CTNNA2: variants seen among roughly 807,000 people sequenced by gnomAD.
CTNNA2 encodes catenin alpha-2.
In CTNNA2, 42 loss-of-function variants were observed where a neutral mutation model predicts 101.0. The ratio of observed to expected loss-of-function variants is 0.42; its 90% confidence interval spans 0.32 to 0.54. The LOEUF is 0.54. Ranked by LOEUF, CTNNA2 falls within the 20% of genes least tolerant of loss-of-function variation. The pLI is 0.14. For missense variants in CTNNA2, 871 were observed against 1,223.1 expected, an observed-to-expected ratio of 0.71 and a Z score of 4.29; for synonymous variants, 450 against 456.4, an observed-to-expected ratio of 0.99 and a Z score of 0.18.
chr2:79,246,085 GA>G (rs1427475042), intron 2 of CTNNA2, among the ~76,000 whole-genome samples: 6 of 152,190 alleles, frequency 3.9e-5, no homozygotes, highest in African/African-American at 4.8e-5. Flanking sequence ...AATTTCTCTG[GA>G]AGTGGAGTCT....
At chr2:79,957,034 CA>C (rs1689287379) in intron 7 of CTNNA2, among the ~76,000 whole-genome samples, 2 of 152,004 alleles carry the variant, frequency 1.3e-5, no homozygotes, top group Admixed American at 6.5e-5. Flanking sequence ...TCCTTTTCAA[CA>C]TCCCCAGATC....
intron 9 of CTNNA2, among the ~76,000 whole-genome samples, chr2:80,533,341 A>G (rs533694957): frequency 2.6e-5 from 4 of 152,302 alleles, no homozygotes; most frequent in Admixed American, 2.6e-4. Context: ...CGCAAAAAAA[A>G]GAAGGCAATG....
chr2:79,367,228 A>G (rs1677770473), intron 3 of CTNNA2, among the ~76,000 whole-genome samples: 1 of 152,366 alleles, frequency 6.6e-6, no homozygotes. Flanking sequence ...GGCCCTTACC[A>G]GGAACTGAAT....
intron 4 of CTNNA2, among the ~76,000 whole-genome samples, chr2:79,466,014 A>G (rs183525077): frequency 6.6e-6 from 1 of 152,158 alleles, no homozygotes; most frequent in Admixed American, 6.5e-5. Flanking sequence ...GGTTCATCTC[A>G]CTGGGGCTTG....
chr2:80,347,825 T>C (rs1238412183), intron 7 of CTNNA2, among the ~76,000 whole-genome samples: 1 of 148,072 alleles, frequency 6.8e-6, no homozygotes, highest in Admixed American at 6.8e-5. Flanking sequence ...CATTATCTTT[T>C]CCTTTTTCTT....
In CTNNA2 at chr2:79,873,899, G is replaced by A. The variant is rs72918617; in HGVS notation, c.586-177G>A. Among the ~76,000 whole-genome samples, 8,051 of 152,174 alleles carry A rather than the reference G, an allele frequency of 0.053. 569 individuals are homozygous for A. Among genetic ancestry groups the A allele is most frequent in the East Asian group, 0.27 (1,383 of 5,164 alleles). ...CCTAGGTCACTATAGAGACCTAGCT[G>A]TCTCTATAAAACAGACAAACAAACA... is the stretch of plus-strand genomic sequence containing the variant. On this transcript the variant is annotated intron_variant, in intron 5 of 18. Coordinates refer to ENST00000402739, the MANE Select transcript of CTNNA2 (RefSeq NM_001282597.3).
At chr2:79,504,383 G>T (rs898023715) in intron 4 of CTNNA2, among the ~76,000 whole-genome samples, 1 of 152,020 alleles carries the variant, frequency 6.6e-6, no homozygotes, top group African/African-American at 2.4e-5. Context: ...TCCGCCTCCC[G>T]GTTTCAAGCA....
chr2:79,996,141 T>G (rs910477770), intron 7 of CTNNA2, among the ~76,000 whole-genome samples: 3 of 152,226 alleles, frequency 2.0e-5, no homozygotes, highest in African/African-American at 7.2e-5. Flanking sequence ...ATTACTGTTA[T>G]GTCTTAATAA....
At chr2:80,543,719 C>T (rs998702651) in intron 9 of CTNNA2, among the ~76,000 whole-genome samples, 3 of 152,140 alleles carry the variant, frequency 2.0e-5, no homozygotes, top group Non-Finnish European at 4.4e-5. Context: ...GTCATACTGC[C>T]TAAGGTTTCT....
intron 2 of CTNNA2, among the ~76,000 whole-genome samples, chr2:79,281,996 T>G (rs1036638682): frequency 2.0e-5 from 3 of 152,176 alleles, no homozygotes; most frequent in Non-Finnish European, 4.4e-5. Flanking sequence ...TAGTCCCCTG[T>G]CAATAAAAGT....
chr2:79,988,897 A>G (rs1050739579), intron 7 of CTNNA2, among the ~76,000 whole-genome samples: 7 of 152,218 alleles, frequency 4.6e-5, no homozygotes, highest in African/African-American at 7.2e-5. Flanking sequence ...GAAAAAGTCT[A>G]CTGTAATTTG....
At chr2:80,544,833 T>C (rs1458682045) in intron 9 of CTNNA2, 149 bp from the exon 10 acceptor site, 3 of 613,576 alleles carry the variant, frequency 4.9e-6, no homozygotes, top group Admixed American at 3.2e-5. Flanking sequence ...TAGTACTAGT[T>C]GGTTCTACAT....
chr2:79,497,951 T>C (rs1250971354), intron 4 of CTNNA2: 1 of 152,212 alleles, frequency 6.6e-6, no homozygotes, highest in African/African-American at 2.4e-5. Flanking sequence ...ATTGATTCAG[T>C]GGCCACAGTT....
chr2:79,324,722 CCACTACA>C (rs1488196064), intron 3 of CTNNA2, among the ~76,000 whole-genome samples: 1 of 146,516 alleles, frequency 6.8e-6, no homozygotes, highest in African/African-American at 2.6e-5. Context: ...GCACACACAC[CCACTACA>C]CACTACACAC....
intron 12 of CTNNA2, among the ~76,000 whole-genome samples, chr2:80,561,809 C>T (rs569817750): frequency 4.0e-5 from 6 of 149,746 alleles, no homozygotes; most frequent in South Asian, 2.1e-4. Flanking sequence ...TACAGGCGGT[C>T]GCCACCACGC....
chr2:79,932,925 C>T (rs1022558679), intron 7 of CTNNA2, among the ~76,000 whole-genome samples: 1 of 152,124 alleles, frequency 6.6e-6, no homozygotes, highest in Non-Finnish European at 1.5e-5. Flanking sequence ...GTGCATTGAT[C>T]CTGTTGATCC....
chr2:79,494,684 C>A lies in CTNNA2; in HGVS notation c.-134-10370C>A, dbSNP rs554239356. Among the ~76,000 whole-genome samples the A allele has an allele frequency of 2.6e-5, 4 of 152,114 alleles. No individual in the cohort carries two copies. The East Asian group carries it at 5.8e-4, about 22-fold the overall frequency. On this transcript the variant is annotated intron_variant, in intron 4 of 21. Transcript: ENST00000466387. ...TGGATTATAGATATATATGGAATAG[C>A]TAAAATTATAAAGTTATTAGACAAA...
rs1674289848 is a variant in CTNNA2, at chr2:79,779,857, A to T, written c.298+35275A>T. Among the ~76,000 whole-genome samples, 3 of 152,176 alleles carry T rather than the reference A, an allele frequency of 2.0e-5. No individual in the cohort carries two copies. The South Asian group carries it at 6.2e-4, about 32-fold the overall frequency. ...ACCCCTCTTCCTCCTGGTCCAGGGC[A>T]TTCCAAAGTTAACCTGAAAAACTAG... On this transcript the variant is annotated intron_variant, in intron 3 of 18. Coordinates refer to ENST00000402739, the MANE Select transcript of CTNNA2 (RefSeq NM_001282597.3).
chr2:80,501,287 C>A (rs575523878), intron 9 of CTNNA2, among the ~76,000 whole-genome samples: 4 of 152,300 alleles, frequency 2.6e-5, no homozygotes, highest in Admixed American at 2.0e-4. Context: ...CTTGAGCCTG[C>A]ACAATCAAAA....
Sources: allele counts gnomAD v4.1 joint callset (sites outside exome capture counted in the v4.1 genomes callset), GRCh38; gene constraint gnomAD v4.1.1; transcripts MANE v1.5; gene names NCBI Gene and HGNC (gene_info 2026-07-23, HGNC 2026-07-21).